ARHGEF4: variants seen among roughly 807,000 people sequenced by gnomAD.
ARHGEF4 encodes the protein Rho guanine nucleotide exchange factor 4.
A neutral mutation model predicts 162.0 loss-of-function variants in ARHGEF4; 119 were observed. That is an observed-to-expected ratio of 0.73 (90% CI 0.63 to 0.86). The LOEUF (loss-of-function observed/expected upper bound fraction) is 0.86, where lower values mean the gene tolerates loss of function less well. ARHGEF4 is among the 40% of genes least tolerant of loss of function. The pLI is 0.00. For missense variants in ARHGEF4, 2,488 were observed against 2,456.0 expected (o/e 1.01, Z -0.28); for synonymous variants, 1,014 against 979.9 (o/e 1.03, Z -0.65).
At chr2:130,977,215 C>T (rs537538902) in intron 4 of ARHGEF4, among the ~76,000 whole-genome samples, 104 of 148,776 alleles carry the variant, frequency 7.0e-4, no homozygotes, top group African/African-American at 2.2e-3. Context: ...GGTTTTTGTG[C>T]GGTGTGCGTG....
intron 1 of ARHGEF4, among the ~76,000 whole-genome samples, chr2:130,847,481 T>A (rs1681065860): frequency 6.6e-6 from 1 of 152,154 alleles, no homozygotes; most frequent in African/African-American, 2.4e-5. Context: ...CATCCCTCAG[T>A]CTTCATATCT....
chr2:130,911,575 T>C (rs1361574442), intron 1 of ARHGEF4, among the ~76,000 whole-genome samples: 1 of 152,252 alleles, frequency 6.6e-6, no homozygotes, highest in Non-Finnish European at 1.5e-5. Context: ...GTTTTTGATG[T>C]ACTCATTGAA....
At chr2:130,947,006 G>A (rs1452395005) in intron 4 of ARHGEF4, 3 of 190,212 alleles carry the variant, frequency 1.6e-5, no homozygotes, top group African/African-American at 4.6e-5. Flanking sequence ...CAAGGTGGGC[G>A]GATCATATGA....
intron 1 of ARHGEF4, among the ~76,000 whole-genome samples, chr2:130,884,161 G>T (rs1443162391): frequency 6.6e-6 from 1 of 152,082 alleles, no homozygotes; most frequent in Non-Finnish European, 1.5e-5. Context: ...CAGGAAATGA[G>T]CTGAGCCTGG....
chr2:130,841,428 A>G (rs1680606371), intron 1 of ARHGEF4, among the ~76,000 whole-genome samples: 1 of 142,294 alleles, frequency 7.0e-6, no homozygotes, highest in Non-Finnish European at 1.5e-5. Context: ...ATAGGACCCT[A>G]TTGGCATTAC....
intron 1 of ARHGEF4, among the ~76,000 whole-genome samples, chr2:130,871,652 T>G (rs1678497087): frequency 6.6e-6 from 1 of 151,954 alleles, no homozygotes; most frequent in South Asian, 2.1e-4. Flanking sequence ...TCTAACTTTA[T>G]AGCATTTCCA....
intron 3 of ARHGEF4, among the ~76,000 whole-genome samples, chr2:130,937,160 C>A (rs1394732599): frequency 6.6e-6 from 1 of 151,776 alleles, no homozygotes; most frequent in African/African-American, 2.4e-5. Flanking sequence ...ATCTTCCCCC[C>A]TCGGCCTCCC....
intron 1 of ARHGEF4, among the ~76,000 whole-genome samples, chr2:130,897,570 C>A (rs2105006016): frequency 6.6e-6 from 1 of 152,346 alleles, no homozygotes; most frequent in South Asian, 2.1e-4. Context: ...GGTTTGAGTT[C>A]TGACCACTTC....
At chr2:131,035,327 C>T (rs1216302304) in intron 5 of ARHGEF4, 17 of 1,160,962 alleles carry the variant, frequency 1.5e-5, no homozygotes, top group African/African-American at 3.2e-5. Context: ...CCGTTGCCAC[C>T]CGCGGCCTCC....
intron 3 of ARHGEF4, among the ~76,000 whole-genome samples, chr2:130,939,294 T>C (rs1683142876): frequency 6.6e-6 from 1 of 152,170 alleles, no homozygotes; most frequent in Admixed American, 6.5e-5. Flanking sequence ...TTTTCTTCTT[T>C]TCTTTTTTTC....
rs1048539372 is a variant in ARHGEF4 at position 130,914,121 on chromosome 2, C to A, written c.175C>A (p.Gln59Lys). 1.3e-6 allele frequency: 2 copies of A among 1,536,036 alleles called. No individual in the cohort carries two copies. The highest frequency in any genetic ancestry group is 4.9e-5 in the East Asian group (2 of 40,928). The change falls in exon 2 of 14, where the codon CAG becomes AAG. Residue 59 changes from glutamine (Q) to lysine (K), a missense_variant. Around this residue, in one of 6 missense-constraint regions of ARHGEF4, gnomAD observed 171 missense variants for 169.4 expected, o/e 1.01. Transcript: ENST00000409359. The part of the protein sequence containing the change: ...DRDDSETLSQ[Q>K]SESGSDTKTD... ...CGATGATTCTGAAACGCTGTCCCAG[C>A]AGAGTGAAAGTGGATCAGACACAAA...
chr2:131,045,794 A>G, intron 13 of ARHGEF4: 1 of 1,426,750 alleles, frequency 7.0e-7, no homozygotes, highest in East Asian at 2.5e-5. Context: ...GAAACATCAC[A>G]TGCCTTTGCA....
intron 4 of ARHGEF4, among the ~76,000 whole-genome samples, chr2:131,018,196 G>C (rs1323256386): frequency 2.6e-5 from 4 of 152,178 alleles, no homozygotes; most frequent in Non-Finnish European, 4.4e-5. Context: ...CCAACCAGTT[G>C]TTTAAACAAT....
intron 2 of ARHGEF4, among the ~76,000 whole-genome samples, chr2:130,918,944 T>G (rs1049813126): frequency 6.6e-6 from 1 of 152,178 alleles, no homozygotes; most frequent in African/African-American, 2.4e-5. Context: ...CTAATCCCAC[T>G]CCATGCAAGG....
In ARHGEF4 at chr2:130,916,918, G is replaced by A. The variant is rs764593895; in HGVS notation, c.2972G>A (p.Arg991Gln). The change falls in exon 2 of 14, where the codon CGG (arginine) becomes CAG (glutamine). Residue 991 changes from arginine to glutamine, a missense_variant. Transcript: ENST00000409359. ...GAGACCGACAGCCACTGTGAGGAAC[G>A]GGCGGAGGACAAAGAGGGCTATGTT... ...PAETDSHCEE[R>Q]AEDKEGYVFS... 16 of 1,550,476 alleles carry A rather than the reference G, an allele frequency of 1.0e-5. No individual in the cohort carries two copies. Among genetic ancestry groups the A allele is most frequent in the South Asian group, 9.5e-5 (8 of 84,060 alleles).
intron 10 of ARHGEF4, 143 bp downstream of exon 10, chr2:131,042,087 G>C: frequency 2.4e-6 from 3 of 1,276,456 alleles, no homozygotes; most frequent in Non-Finnish European, 3.2e-6. Context: ...TGGTGTGAAA[G>C]CCTGTCCCCA....
chr2:130,851,731 G>A (rs1306064551), intron 1 of ARHGEF4, among the ~76,000 whole-genome samples: 1 of 152,214 alleles, frequency 6.6e-6, no homozygotes, highest in Admixed American at 6.5e-5. Flanking sequence ...TCCGTGAGCT[G>A]GAACAAGGTC....
intron 1 of ARHGEF4, among the ~76,000 whole-genome samples, chr2:130,870,785 C>T (rs2104931046): frequency 1.3e-5 from 2 of 152,188 alleles, no homozygotes; most frequent in East Asian, 3.9e-4. Flanking sequence ...CCCAGCGAGA[C>T]ATGGGGGTTG....
At position 130,915,989 on chromosome 2, in the gene ARHGEF4, G is replaced by A. The variant is rs765340389; in HGVS notation, c.2043G>A (p.Gly681=). 4 of 1,550,368 alleles carry A rather than the reference G, an allele frequency of 2.6e-6. No homozygotes were observed. Among genetic ancestry groups the A allele is most frequent in the African/African-American group, 2.7e-5 (2 of 73,058 alleles). Residue 681 remains glycine, a synonymous_variant, in exon 2 of 14, where the codon GGG becomes GGA. Coordinates refer to ENST00000409359, the MANE Select transcript of ARHGEF4 (RefSeq NM_001367493.1). ...CCCCCTGTGAGTCTCCCACTAGGGG[G>A]AAAACACCAGCCGGTAATGAGTGTG... is the stretch of plus-strand genomic sequence containing the variant. The part of the protein sequence containing the change: ...GETPCESPTR[G]KTPAGNECEL...
Sources: gnomAD v4.1 joint callset for allele counts (sites outside exome capture counted in the v4.1 genomes callset) on GRCh38, gnomAD v4.1.1 for gene constraint, gnomAD v4.1.1 regional missense constraint, MANE v1.5 for transcripts, NCBI Gene and HGNC (gene_info 2026-07-23, HGNC 2026-07-21) for gene names.